Variants in RBFOX1 observed in about 807,000 individuals in gnomAD.
RBFOX1 encodes RNA binding fox-1 homolog 1.
Under a neutral mutation model 57.7 loss-of-function variants are expected in RBFOX1, and 8 were observed. The observed-to-expected ratio is 0.14, with a 90% CI of 0.08 to 0.25. RBFOX1 has a LOEUF of 0.25. RBFOX1 is among the 10% of genes least tolerant of loss of function. The pLI is 1.00. For synonymous variants in RBFOX1, 326 were observed against 222.4 expected (o/e 1.47, Z -4.15); for missense variants, 611 against 548.5 (o/e 1.11, Z -1.14).
At chr16:7,264,772 C>T (rs1304963823) in intron 4 of RBFOX1, among the ~76,000 whole-genome samples, 1 of 152,118 alleles carries the variant, frequency 6.6e-6, no homozygotes, top group African/African-American at 2.4e-5. Flanking sequence ...TAGTGGGGCA[C>T]ATTTGGCCCT....
At chr16:7,345,977 C>T (rs1484852541) in intron 4 of RBFOX1, among the ~76,000 whole-genome samples, 10 of 152,162 alleles carry the variant, frequency 6.6e-5, no homozygotes, top group African/African-American at 1.9e-4. Flanking sequence ...TCCCTCCCAG[C>T]TCCTCCAACC....
chr16:7,256,337 C>T (rs1442576547), intron 4 of RBFOX1, among the ~76,000 whole-genome samples: 1 of 152,136 alleles, frequency 6.6e-6, no homozygotes, highest in Admixed American at 6.5e-5. Flanking sequence ...GATGAAGCCA[C>T]CATTCCTACC....
intron 4 of RBFOX1, among the ~76,000 whole-genome samples, chr16:7,416,765 G>C (rs2098481901): frequency 6.6e-6 from 1 of 152,030 alleles, no homozygotes; most frequent in Admixed American, 6.6e-5. Flanking sequence ...GACACTAGTT[G>C]TGAATAATAA....
At chr16:7,120,838 C>CACACACACACACACACAT (rs150848034) in intron 4 of RBFOX1, among the ~76,000 whole-genome samples, 15,791 of 141,342 alleles carry the variant, frequency 0.11, 1,030 homozygotes, top group Non-Finnish European at 0.13. Context: ...TATACACACA[C>CACACACACACACACACAT]ACACACACAC....
At position 6,686,236 on chromosome 16, in the gene RBFOX1, C is replaced by G. The variant is rs556478668; in HGVS notation, c.-16+31586C>G. On this transcript the variant is annotated intron_variant, in intron 3 of 15. Coordinates refer to ENST00000550418, the MANE Select transcript of RBFOX1 (RefSeq NM_018723.4). The stretch of plus-strand genomic sequence containing the variant: ...GTTCTTATCACTCAGGTAGAGGTCT[C>G]AAATTAGATGAGACAGTGGTCAGGG... Among the ~76,000 whole-genome samples the G allele has an allele frequency of 1.5e-3, 223 of 152,238 alleles. 1 individual carries two copies. The highest frequency in any genetic ancestry group is 5.1e-3 in the African/African-American group (213 of 41,552).
chr16:5,652,804 T>G (rs1031247662), intron 3 of RBFOX1, among the ~76,000 whole-genome samples: 2 of 152,202 alleles, frequency 1.3e-5, no homozygotes, highest in African/African-American at 4.8e-5. Context: ...GATCTCCTTT[T>G]CCCAGCTCAG....
intron 3 of RBFOX1, among the ~76,000 whole-genome samples, chr16:5,801,708 T>A (rs1176616893): frequency 6.6e-6 from 1 of 152,206 alleles, no homozygotes; most frequent in African/African-American, 2.4e-5. Flanking sequence ...GTGCCTTTGA[T>A]AGAGATGAAC....
chr16:7,702,771 T>G (rs993262340), intron 14 of RBFOX1, among the ~76,000 whole-genome samples: 5 of 152,186 alleles, frequency 3.3e-5, no homozygotes, highest in African/African-American at 1.2e-4. Context: ...TTCCTCCGGA[T>G]GGGCAAAAGC....
intron 2 of RBFOX1, among the ~76,000 whole-genome samples, chr16:5,582,429 C>G (rs1034094061): frequency 6.6e-6 from 1 of 151,958 alleles, no homozygotes. Flanking sequence ...AACTGAGGTG[C>G]AAGTACAGTG....
chr16:6,529,375 T>C (rs1282211715), intron 2 of RBFOX1, among the ~76,000 whole-genome samples: 1 of 151,928 alleles, frequency 6.6e-6, no homozygotes, highest in Non-Finnish European at 1.5e-5. Flanking sequence ...CCTGACCAAC[T>C]TGGTGATACC....
At chr16:7,356,692 A>G (rs1031898453) in intron 4 of RBFOX1, among the ~76,000 whole-genome samples, 3 of 152,252 alleles carry the variant, frequency 2.0e-5, no homozygotes, top group East Asian at 1.9e-4. Context: ...TCTGAAGTGC[A>G]TGAATACTTT....
chr16:7,445,767 A>G (rs1050862815), intron 4 of RBFOX1, among the ~76,000 whole-genome samples: 1 of 152,146 alleles, frequency 6.6e-6, no homozygotes, highest in Admixed American at 6.5e-5. Flanking sequence ...ACGTTTGGAG[A>G]TGCCCAAAGA....
chr16:5,738,358 G>T (rs1432529835), intron 3 of RBFOX1, among the ~76,000 whole-genome samples: 2 of 151,850 alleles, frequency 1.3e-5, no homozygotes, highest in Non-Finnish European at 2.9e-5. Flanking sequence ...TAGCCCAGGT[G>T]CGGTGGCTCA....
chr16:7,362,636 G>A (rs1294561980), intron 4 of RBFOX1, among the ~76,000 whole-genome samples: 2 of 151,616 alleles, frequency 1.3e-5, no homozygotes, highest in Admixed American at 6.6e-5. Context: ...TGTGTTTTGT[G>A]CGTATCTTAG....
intron 4 of RBFOX1, among the ~76,000 whole-genome samples, chr16:7,269,581 C>A (rs545249362): frequency 1.3e-5 from 2 of 152,038 alleles, no homozygotes; most frequent in Admixed American, 1.3e-4. Context: ...TTTTACCATG[C>A]CATGAATCAT....
chr16:5,332,732 T>C (rs1213705193), intron 1 of RBFOX1, among the ~76,000 whole-genome samples: 3 of 151,908 alleles, frequency 2.0e-5, no homozygotes, highest in African/African-American at 4.8e-5. Flanking sequence ...TGTGTAGATA[T>C]TATTTTTGTA....
chr16:6,022,229 A>G lies in RBFOX1; in HGVS notation c.-127+2237A>G, dbSNP rs546590413. Among the ~76,000 whole-genome samples, 293 of 148,380 alleles carry G rather than the reference A, an allele frequency of 2.0e-3. 3 individuals carry two copies. Among genetic ancestry groups the G allele is most frequent in the Middle Eastern group, 0.014 (4 of 294 alleles). ...GACTTGATCTCCTTGGCCCCCTGGG[A>G]TGAAAGTATTACCTTAGCAAATCTG... On this transcript the variant is annotated intron_variant, in intron 1 of 15. Transcript: ENST00000550418.
At chr16:7,031,422 C>T (rs570229130) in intron 3 of RBFOX1, among the ~76,000 whole-genome samples, 1 of 151,802 alleles carries the variant, frequency 6.6e-6, no homozygotes, top group Admixed American at 6.6e-5. Flanking sequence ...ATGGTGAAAC[C>T]CCGTCTCTAC....
chr16:7,579,761 C>G lies in RBFOX1; in HGVS notation c.271-16C>G, dbSNP rs368763736. ...GGTCCACTGAGAACCTCTTCGGTTT[C>G]TTCTTGTTCTTTTAGCAGACAGATG... On this transcript the variant is annotated splice_polypyrimidine_tract_variant and intron_variant, in intron 5 of 15. Transcript: ENST00000550418. 1.2e-6 allele frequency: 2 copies of G among 1,613,974 alleles called. No homozygotes were observed. The highest frequency in any genetic ancestry group is 1.7e-6 in the Non-Finnish European group (2 of 1,179,914).
Sources: gnomAD v4.1 joint callset for allele counts (sites outside exome capture counted in the v4.1 genomes callset) on GRCh38, gnomAD v4.1.1 for gene constraint, MANE v1.5 for transcripts, NCBI Gene and HGNC (gene_info 2026-07-23, HGNC 2026-07-21) for gene names.